PTTG1IP: variants seen among roughly 807,000 people sequenced by gnomAD.
PTTG1IP encodes the protein PTTG1 interacting protein.
PTTG1IP carries 16 observed loss-of-function variants against 24.4 expected under a neutral mutation model. That is an observed-to-expected ratio of 0.66 (90% CI 0.44 to 1.00). The LOEUF is 1.00. PTTG1IP is among the 50% of genes least tolerant of loss of function. The pLI, the probability that PTTG1IP is intolerant of heterozygous loss-of-function variation, is 0.00. For missense variants in PTTG1IP, 241 were observed against 245.8 expected (o/e 0.98, Z 0.13); for synonymous variants, 89 against 96.8 (o/e 0.92, Z 0.47).
Position 44,856,221 on chromosome 21 carries a change from C to T in PTTG1IP, c.421G>A (p.Glu141Lys), listed in dbSNP as rs200868733. 1.9e-6 allele frequency: 3 copies of T among 1,614,214 alleles called. No individual in the cohort carries two copies. Among genetic ancestry groups the T allele is most frequent in the East Asian group, 2.2e-5 (1 of 44,884 alleles). The change falls in exon 4 of 6, where the codon GAG (glutamate) becomes AAG (lysine). Residue 141 changes from glutamate (E) to lysine (K), a missense_variant. Glu to Lys is a moderately conservative substitution (Grantham distance 56). Transcript: ENST00000330938. ...RSEEKAMREREERRIRQEERR... is the reference protein window; with the variant it reads ...RSEEKAMRERKERRIRQEERR... ...TCCTCCTGCCGTATCCGCCTCTCCTCCCGCTCACGCATGGCCTTCTCCTCA... is the reference window on the plus strand; with the variant it reads ...TCCTCCTGCCGTATCCGCCTCTCCTTCCGCTCACGCATGGCCTTCTCCTCA...
At chr21:44,854,117 G>C (rs1197640726) in intron 5 of PTTG1IP, among the ~76,000 whole-genome samples, 1 of 152,176 alleles carries the variant, frequency 6.6e-6, no homozygotes, top group Non-Finnish European at 1.5e-5. Flanking sequence ...ACCTGACGGA[G>C]GCGCCGCTCA....
chr21:44,863,311 G>GCCTCAGCAGCAGAC (rs2083509329), intron 2 of PTTG1IP, among the ~76,000 whole-genome samples: 4 of 123,024 alleles, frequency 3.3e-5, no homozygotes, highest in African/African-American at 1.5e-4. Flanking sequence ...CAGGAGCGTG[G>GCCTCAGCAGCAGAC]ACACAGCCCA....
At chr21:44,861,322 G>C in intron 2 of PTTG1IP, 51 bp from the exon 3 acceptor site, 3 of 1,500,958 alleles carry the variant, frequency 2.0e-6, no homozygotes, top group Non-Finnish European at 2.8e-6. Context: ...AAAAACCAAA[G>C]AACTGTCCAG....
chr21:44,868,593 T>C (rs532225716), intron 1 of PTTG1IP, among the ~76,000 whole-genome samples: 33 of 152,264 alleles, frequency 2.2e-4, no homozygotes, highest in Admixed American at 6.5e-4. Context: ...GGAGTCTTTC[T>C]GGCCATATCT....
At position 44,855,212 on chromosome 21, in the gene PTTG1IP, T is replaced by C. The variant is rs769596172; in HGVS notation, c.494A>G (p.Tyr165Cys). ...AAGGAGGCGTGACCAGTCCTTACCA[T>C]ATTTTTTTCTGATTTCATCATGTCT... ...KTRHDEIRKK[Y>C]GLFKEENPYA... The change falls in exon 5 of 6, where the codon TAT becomes TGT. Residue 165 changes from tyrosine (Y) to cysteine (C), a missense_variant and splice_region_variant. Coordinates refer to ENST00000330938, the MANE Select transcript of PTTG1IP (RefSeq NM_004339.4). 13 of 1,610,278 alleles carry C rather than the reference T, an allele frequency of 8.1e-6. No homozygotes were observed. The highest frequency in any genetic ancestry group is 1.1e-5 in the Non-Finnish European group (13 of 1,176,642).
chr21:44,865,041 C>T (rs1196709590), intron 2 of PTTG1IP, among the ~76,000 whole-genome samples: 3 of 152,168 alleles, frequency 2.0e-5, no homozygotes, highest in African/African-American at 7.2e-5. Context: ...TGCTGCAGCC[C>T]GACAGCCTGG....
At chr21:44,863,306 G>GACACACAGCC (rs2083509103) in intron 2 of PTTG1IP, among the ~76,000 whole-genome samples, 5 of 130,812 alleles carry the variant, frequency 3.8e-5, no homozygotes, top group African/African-American at 1.7e-4. Context: ...GGCCTCAGGA[G>GACACACAGCC]CGTGGACACA....
rs896020082 is a variant in PTTG1IP at position 44,873,674 on chromosome 21, C to T, written c.-58G>A. ...GTTACAACTCCGACTCCAGCACAAG[C>T]GGTCTCCGCCCGGAACAGCCGCGGC... On this transcript the variant is annotated 5_prime_UTR_variant, in exon 1 of 6. Transcript: ENST00000330938. 4.6e-6 allele frequency: 6 copies of T among 1,301,432 alleles called. No homozygotes were observed. The highest frequency in any genetic ancestry group is 3.9e-4 in the Middle Eastern group (2 of 5,070). 80.6% of individuals were successfully genotyped at this position (1,301,432 alleles called of 1,614,324 possible).
chr21:44,857,165 T>A (rs1413025666), intron 3 of PTTG1IP, among the ~76,000 whole-genome samples: 2 of 152,216 alleles, frequency 1.3e-5, no homozygotes. Context: ...GCAAATGTGT[T>A]TTCAATCATG....
chr21:44,862,294 C>A lies in PTTG1IP; in HGVS notation c.169-1023G>T, dbSNP rs879659172. Reference sequence around the variant, plus strand: ...CCAGCACTTTGGGAGGCCAGGAGGGCGGATCACCTGAGGTCAGAAGTTCGG... The same window carrying A: ...CCAGCACTTTGGGAGGCCAGGAGGGAGGATCACCTGAGGTCAGAAGTTCGG... On this transcript the variant is annotated intron_variant, in intron 2 of 5. Transcript: ENST00000330938. 2.0e-5 allele frequency among the ~76,000 whole-genome samples: 3 copies of A among 152,152 alleles called. No individual in the cohort carries two copies. The East Asian group carries it at 5.8e-4, about 29-fold the overall frequency.
intron 1 of PTTG1IP, among the ~76,000 whole-genome samples, chr21:44,870,497 G>A (rs951811179): frequency 8.0e-6 from 1 of 125,530 alleles, no homozygotes; most frequent in Non-Finnish European, 1.6e-5. Flanking sequence ...CTGCACTCCA[G>A]CCTGGGCAAC....
rs546670923 is a variant in PTTG1IP, at chr21:44,868,258, G to C, written c.116-2811C>G. Among the ~76,000 whole-genome samples, 94 of 152,360 alleles carry C rather than the reference G, an allele frequency of 6.2e-4. 1 individual carries two copies. Among genetic ancestry groups the C allele is most frequent in the African/African-American group, 2.2e-3 (93 of 41,588 alleles). ...GGCACTGTGGGAGGAAGGAGCAACTGTGGGCTGATGGTGGGCAAAGACCCC... is the reference window on the plus strand; with the variant it reads ...GGCACTGTGGGAGGAAGGAGCAACTCTGGGCTGATGGTGGGCAAAGACCCC... On this transcript the variant is annotated intron_variant, in intron 1 of 5. Transcript: ENST00000330938.
intron 1 of PTTG1IP, 77 bp from the exon 2 acceptor site, chr21:44,865,524 G>A: frequency 1.4e-6 from 2 of 1,477,958 alleles, no homozygotes; most frequent in Non-Finnish European, 1.9e-6. Flanking sequence ...GGGCAGGGTG[G>A]GCACCAGTGA....
At chr21:44,854,171 G>C (rs766710064) in intron 5 of PTTG1IP, among the ~76,000 whole-genome samples, 3 of 152,184 alleles carry the variant, frequency 2.0e-5, no homozygotes, top group Non-Finnish European at 4.4e-5. Context: ...CCCGATGACC[G>C]AGAACCGCAG....
rs2083398303 is a variant in PTTG1IP, at chr21:44,849,785, A to T, written c.*1796T>A. 1 of 152,292 alleles carries T rather than the reference A, an allele frequency of 6.6e-6. No homozygotes were observed. Among genetic ancestry groups the T allele is most frequent in the South Asian group, 2.1e-4 (1 of 4,824 alleles). 9.4% of individuals were successfully genotyped at this position (152,292 alleles called of 1,614,324 possible). ...AGGGCTGACTACGCTGTATTTCACAACCGAGCCCTAGCGCCAGCTCAGCAC... is the reference window on the plus strand; with the variant it reads ...AGGGCTGACTACGCTGTATTTCACATCCGAGCCCTAGCGCCAGCTCAGCAC... On this transcript the variant is annotated 3_prime_UTR_variant, in exon 6 of 6. Coordinates refer to ENST00000330938, the MANE Select transcript of PTTG1IP (RefSeq NM_004339.4).
chr21:44,872,314 GA>G (rs747086143), intron 1 of PTTG1IP, among the ~76,000 whole-genome samples: 37 of 152,316 alleles, frequency 2.4e-4, no homozygotes, highest in Admixed American at 5.2e-4. Context: ...CAGGTAAGAA[GA>G]AACACAAATA....
At chr21:44,873,478 C>A in intron 1 of PTTG1IP, 24 bp downstream of exon 1, 7 of 1,366,786 alleles carry the variant, frequency 5.1e-6, no homozygotes, top group Non-Finnish European at 6.6e-6. Context: ...CCCTTCGCGG[C>A]CCCGCCCGCC....
intron 1 of PTTG1IP, among the ~76,000 whole-genome samples, chr21:44,866,209 AACACACAC>A (rs35473745): frequency 3.2e-5 from 4 of 124,486 alleles, no homozygotes; most frequent in Admixed American, 8.5e-5. Context: ...CCAATCCTGT[AACACACAC>A]ACACACACAC....
At chr21:44,859,170 G>A (rs571340475) in intron 3 of PTTG1IP, among the ~76,000 whole-genome samples, 2 of 152,292 alleles carry the variant, frequency 1.3e-5, no homozygotes, top group African/African-American at 4.8e-5. Flanking sequence ...ACGAATCTCG[G>A]GCACATGCTG....
Sources: allele counts gnomAD v4.1 joint callset (sites outside exome capture counted in the v4.1 genomes callset), GRCh38; gene constraint gnomAD v4.1.1; transcripts MANE v1.5; gene names NCBI Gene and HGNC (gene_info 2026-07-23, HGNC 2026-07-21).